The following FGF23 variants were observed in gnomAD, a reference collection of about 807,000 sequenced individuals.
FGF23 encodes phosphatonin.
FGF23 carries 8 observed loss-of-function variants against 9.0 expected under a neutral mutation model. The observed-to-expected ratio is 0.89, with a 90% CI of 0.52 to 1.60. The LOEUF is 1.60. Among genes scored for constraint, FGF23 ranks in the 40% most tolerant of loss-of-function variants. FGF23 has a pLI of 0.00. For synonymous variants in FGF23, 118 were observed against 146.2 expected, an observed-to-expected ratio of 0.81 and a Z score of 1.39; for missense variants, 311 against 344.3, an observed-to-expected ratio of 0.90 and a Z score of 0.77.
intron 1 of FGF23, 69 bp downstream of exon 1, chr12:4,379,303 C>T: frequency 1.4e-6 from 2 of 1,431,590 alleles, no homozygotes; most frequent in Non-Finnish European, 2.0e-6. Flanking sequence ...TAGTCCCCAA[C>T]CTCCCCAAGC....
Position 4,371,978 on chromosome 12 carries a change from A to G in FGF23, c.315+616T>C, listed in dbSNP as rs12229274. Among the ~76,000 whole-genome samples, 65 of 151,764 alleles carry G rather than the reference A, an allele frequency of 4.3e-4. 1 individual carries two copies. Among genetic ancestry groups the G allele is most frequent in the Admixed American group, 3.7e-3 (57 of 15,246 alleles). ...TAAGAAAATGTGGCACATATACACC[A>G]TGGAATACTATGCAGCCATAAAAAA... On this transcript the variant is annotated intron_variant, in intron 2 of 2. Coordinates refer to ENST00000237837, the MANE Select transcript of FGF23 (RefSeq NM_020638.3).
intron 1 of FGF23, among the ~76,000 whole-genome samples, chr12:4,374,034 C>T (rs1271064852): frequency 6.6e-6 from 1 of 152,096 alleles, no homozygotes; most frequent in Non-Finnish European, 1.5e-5. Flanking sequence ...ATACAAGGAC[C>T]TTTGAGGAAA....
chr12:4,379,273 G>A, intron 1 of FGF23, 99 bp downstream of exon 1: 1 of 1,030,380 alleles, frequency 9.7e-7, no homozygotes. Flanking sequence ...AGCTAGGAGG[G>A]TTGGATTAGC....
intron 1 of FGF23, among the ~76,000 whole-genome samples, chr12:4,376,176 G>A (rs549880877): frequency 3.9e-5 from 6 of 152,252 alleles, no homozygotes; most frequent in African/African-American, 1.2e-4. Flanking sequence ...TTCATGGAAC[G>A]GGTGATAAGG....
intron 1 of FGF23, among the ~76,000 whole-genome samples, chr12:4,375,877 C>A (rs1013983921): frequency 3.3e-5 from 5 of 152,190 alleles, no homozygotes; most frequent in Non-Finnish European, 5.9e-5. Flanking sequence ...TTTGCTTCAA[C>A]CTCTGCTTAT....
At position 4,372,670 on chromosome 12, in the gene FGF23, G is replaced by A; in HGVS notation, c.239C>T (p.Ala80Val). Residue 80 changes from alanine (A) to valine (V), a missense_variant, in exon 2 of 3, where the codon GCT becomes GTT. Transcript: ENST00000237837. ...YSALMIRSED[A>V]GFVVITGVMS... ...CACACCTGTAATCACCACAAAGCCA[G>A]CATCCTCTGATCTGATCATCAGGGC... The A allele has an allele frequency of 6.2e-7, 1 of 1,613,148 alleles. No homozygotes were observed. The highest frequency in any genetic ancestry group is 8.5e-7 in the Non-Finnish European group (1 of 1,179,190).
intron 2 of FGF23, among the ~76,000 whole-genome samples, chr12:4,371,689 A>G (rs1865065096): frequency 6.6e-6 from 1 of 152,164 alleles, no homozygotes; most frequent in Admixed American, 6.5e-5. Context: ...AAAATCTTTA[A>G]CTGGAGGGAG....
chr12:4,378,495 A>C (rs1258922861), intron 1 of FGF23, among the ~76,000 whole-genome samples: 2 of 152,190 alleles, frequency 1.3e-5, no homozygotes, highest in Non-Finnish European at 2.9e-5. Flanking sequence ...GGTGCACACA[A>C]AGGGACCCTC....
At chr12:4,377,761 C>G (rs202137636) in intron 1 of FGF23, among the ~76,000 whole-genome samples, 9,861 of 152,168 alleles carry the variant, frequency 0.065, 648 homozygotes, top group East Asian at 0.25. Context: ...GTAAGGGTGT[C>G]CCCTCCATGA....
intron 2 of FGF23, among the ~76,000 whole-genome samples, chr12:4,371,436 A>T (rs1177015346): frequency 6.6e-6 from 1 of 152,114 alleles, no homozygotes; most frequent in Non-Finnish European, 1.5e-5. Flanking sequence ...TTGTTTGTTT[A>T]CCTACTCTAG....
Position 4,377,226 on chromosome 12 carries a change from C to A in FGF23, c.211+2146G>T, listed in dbSNP as rs555162960. ...TTGACTCTTCACACTCACTCCCCAC[C>A]GTAGCCGGCCTGTTCTGTTCTACCC... is the stretch of plus-strand genomic sequence containing the variant. On this transcript the variant is annotated intron_variant, in intron 1 of 2. Coordinates refer to ENST00000237837, the MANE Select transcript of FGF23 (RefSeq NM_020638.3). Among the ~76,000 whole-genome samples the A allele has an allele frequency of 4.6e-5, 7 of 152,038 alleles. No individual in the cohort carries two copies. In the East Asian group the frequency reaches 9.6e-4, roughly 21 times the overall value.
At chr12:4,375,633 G>T (rs1037826152) in intron 1 of FGF23, among the ~76,000 whole-genome samples, 2 of 152,176 alleles carry the variant, frequency 1.3e-5, no homozygotes, top group East Asian at 3.8e-4. Context: ...AGGTGTCTCC[G>T]TGCGTGTGAC....
At chr12:4,372,492 G>C (rs1174315667) in intron 2 of FGF23, 102 bp downstream of exon 2, 1 of 770,884 alleles carries the variant, frequency 1.3e-6, no homozygotes, top group South Asian at 1.4e-5. Flanking sequence ...GGTCACCAGG[G>C]TACACTGCAA....
rs1302255926 is a variant in FGF23 at position 4,379,550 on chromosome 12, A to C, written c.33T>G (p.Cys11Trp). The C allele has an allele frequency of 1.2e-6, 2 of 1,610,890 alleles. No homozygotes were observed. Among genetic ancestry groups the C allele is most frequent in the Non-Finnish European group, 1.7e-6 (2 of 1,179,704 alleles). The change falls in exon 1 of 3, where the codon TGT becomes TGG. Residue 11 changes from cysteine (C) to tryptophan (W), a missense_variant. Physicochemically the swap from Cys to Trp is radical, Grantham distance 215 (BLOSUM62 -2). Coordinates refer to ENST00000237837, the MANE Select transcript of FGF23 (RefSeq NM_020638.3). ...TCATGCTGCAGACGCTGCACAAGGC[A>C]CAGACCCAGAGCCTGAGGCGGGCCC... Reference protein sequence around the residue: MLGARLRLWVCALCSVCSMSV... With the variant: MLGARLRLWVWALCSVCSMSV...
At position 4,370,464 on chromosome 12, in the gene FGF23, C is replaced by T. The variant is rs770974049; in HGVS notation, c.635G>A (p.Ser212Asn). 2 of 1,613,136 alleles carry T rather than the reference C, an allele frequency of 1.2e-6. No homozygotes were observed. Among genetic ancestry groups the T allele is most frequent in the Non-Finnish European group, 1.7e-6 (2 of 1,179,446 alleles). Residue 212 changes from serine to asparagine, a missense_variant, in exon 3 of 3, where the codon AGC (serine) becomes AAC (asparagine). Around this residue, in one of 3 missense-constraint regions of FGF23, gnomAD observed 206 missense variants for 219.2 expected, o/e 0.94. Coordinates refer to ENST00000237837, the MANE Select transcript of FGF23 (RefSeq NM_020638.3). ...APASCSQELP[S>N]AEDNSPMASD... ...GGCCATCGGGCTGTTGTCCTCGGCGCTCGGGAGCTCCTGTGAACAGGAGGC... is the reference window on the plus strand; with the variant it reads ...GGCCATCGGGCTGTTGTCCTCGGCGTTCGGGAGCTCCTGTGAACAGGAGGC...
At chr12:4,376,986 GTTTAACTC>G (rs1370516961) in intron 1 of FGF23, among the ~76,000 whole-genome samples, 1 of 152,054 alleles carries the variant, frequency 6.6e-6, no homozygotes, top group African/African-American at 2.4e-5. Context: ...CCGCATTCAT[GTTTAACTC>G]TTTAAAGATG....
chr12:4,368,728 G>C lies in FGF23; in HGVS notation c.*1615C>G, dbSNP rs1460753522. On this transcript the variant is annotated 3_prime_UTR_variant, in exon 3 of 3. Transcript: ENST00000237837. The stretch of plus-strand genomic sequence containing the variant: ...AGGAGCCTCCAATAGCTATTATGCA[G>C]GATAATATTTCCAACAGGAAATGAA... 4.9e-6 allele frequency: 1 copy of C among 202,454 alleles called. No homozygotes were observed. The highest frequency in any genetic ancestry group is 2.3e-5 in the African/African-American group (1 of 43,634). The allele number at this position is 202,454 out of a possible 1,614,324, so 12.5% of individuals were successfully genotyped here. A position where few individuals can be genotyped will look rare whatever the true frequency, so the allele number is the denominator to read the frequency against.
rs1203271476 is a variant in FGF23, at chr12:4,379,562, C to G, written c.21G>C (p.Arg7Ser). The change falls in exon 1 of 3, where the codon AGG (arginine) becomes AGC (serine). Residue 7 changes from arginine to serine, a missense_variant. Transcript: ENST00000237837. MLGARL[R>S]LWVCALCSVC... ...CGCTGCACAAGGCACAGACCCAGAG[C>G]CTGAGGCGGGCCCCCAACATCGTGC... 1.2e-6 allele frequency: 2 copies of G among 1,607,598 alleles called. No individual in the cohort carries two copies. The highest frequency in any genetic ancestry group is 3.4e-5 in the Admixed American group (2 of 59,422).
In FGF23 at chr12:4,377,500, G is replaced by A. The variant is rs1474177459; in HGVS notation, c.211+1872C>T. On this transcript the variant is annotated intron_variant, in intron 1 of 2. Coordinates refer to ENST00000237837, the MANE Select transcript of FGF23 (RefSeq NM_020638.3). ...GGCTGGAGTGCAGTGGCGCAATCTC[G>A]GCTCACTGCAAGCTCTGCCTCCCGG... Among the ~76,000 whole-genome samples, 15 of 119,784 alleles carry A rather than the reference G, an allele frequency of 1.3e-4. No homozygotes were observed. In the South Asian group the frequency reaches 3.5e-3, roughly 28 times the overall value. The allele number at this position is 119,784 out of a possible 152,430, so 78.6% of individuals were successfully genotyped here. A position where few individuals can be genotyped will look rare whatever the true frequency, so the allele number is the denominator to read the frequency against.
Sources: allele counts gnomAD v4.1 joint callset (sites outside exome capture counted in the v4.1 genomes callset), GRCh38; gene constraint gnomAD v4.1.1; regional missense constraint gnomAD v4.1.1; transcripts MANE v1.5; gene names NCBI Gene and HGNC (gene_info 2026-07-23, HGNC 2026-07-21).